Variants in WWOX observed in about 807,000 individuals in gnomAD.
WWOX encodes WW domain-containing oxidoreductase.
A neutral mutation model predicts 46.2 loss-of-function variants in WWOX; 69 were observed. The observed-to-expected ratio is 1.49, with a 90% confidence interval of 1.23 to 1.82. The LOEUF (loss-of-function observed/expected upper bound fraction) is 1.82. WWOX is among the 40% of genes most tolerant of loss of function. The probability of loss-of-function intolerance (pLI) is 0.00; values close to 1 mark genes in which losing one functional copy is unlikely to be tolerated. For synonymous variants in WWOX, 359 were observed against 202.6 expected (o/e 1.77, Z -6.56); for missense variants, 919 against 542.6 (o/e 1.69, Z -6.89).
At chr16:78,923,723 G>C (rs2045431920) in intron 8 of WWOX, among the ~76,000 whole-genome samples, 1 of 146,906 alleles carries the variant, frequency 6.8e-6, no homozygotes, top group African/African-American at 2.5e-5. Context: ...ATCTGCCTTG[G>C]AAATGTCAAA....
At chr16:78,184,531 C>T (rs369125114) in intron 5 of WWOX, among the ~76,000 whole-genome samples, 29 of 151,850 alleles carry the variant, frequency 1.9e-4, no homozygotes, top group African/African-American at 7.0e-4. Flanking sequence ...TAGCCGGCAC[C>T]CACATGGATG....
At chr16:78,375,775 C>T (rs1024435124) in intron 5 of WWOX, among the ~76,000 whole-genome samples, 1 of 150,646 alleles carries the variant, frequency 6.6e-6, no homozygotes, top group Non-Finnish European at 1.5e-5. Flanking sequence ...TTTCAGTGGC[C>T]AACAAAACAA....
intron 8 of WWOX, among the ~76,000 whole-genome samples, chr16:78,979,854 T>C (rs1597232668): frequency 6.6e-6 from 1 of 152,134 alleles, no homozygotes; most frequent in Admixed American, 6.6e-5. Flanking sequence ...CGTGGCTGGG[T>C]GCAGTGGCTC....
intron 8 of WWOX, among the ~76,000 whole-genome samples, chr16:78,656,874 G>A (rs1164133000): frequency 1.3e-5 from 2 of 152,170 alleles, no homozygotes; most frequent in Non-Finnish European, 2.9e-5. Flanking sequence ...ACATTTAGGG[G>A]AGGCTGTAGA....
intron 8 of WWOX, among the ~76,000 whole-genome samples, chr16:79,135,130 A>G (rs2049958272): frequency 6.6e-6 from 1 of 152,082 alleles, no homozygotes; most frequent in Admixed American, 6.6e-5. Flanking sequence ...TCTTCTCAGG[A>G]AATGTTTTCT....
chr16:79,087,412 G>T (rs142711783), intron 8 of WWOX, among the ~76,000 whole-genome samples: 8 of 152,218 alleles, frequency 5.3e-5, no homozygotes, highest in African/African-American at 1.9e-4. Flanking sequence ...CACTGTGTTT[G>T]AGAGTCACAT....
intron 8 of WWOX, among the ~76,000 whole-genome samples, chr16:78,752,075 T>G (rs1381435591): frequency 6.6e-6 from 1 of 152,168 alleles, no homozygotes; most frequent in East Asian, 1.9e-4. Context: ...ATTCTAACAT[T>G]GGTAAAACTT....
rs60393431 is a variant in WWOX, at chr16:78,266,788, TTCTCTCTCTCTC to T, written c.516+102525_516+102536del. Among the ~76,000 whole-genome samples, 737 of 115,628 alleles carry T rather than the reference TTCTCTCTCTCTC, an allele frequency of 6.4e-3. 5 individuals carry two copies. Among genetic ancestry groups the T allele is most frequent in the African/African-American group, 0.023 (710 of 31,178 alleles). The allele number at this position is 115,628 out of a possible 152,430, so 75.9% of individuals were successfully genotyped here. On this transcript the variant is annotated intron_variant, in intron 5 of 8. Transcript: ENST00000566780. ...GATAAATGCAAGTTCTATTCTTCTA[TTCTCTCTCTCTC>T]TCTCTCTCTCTCTCTCTCTCTCTCT...
At chr16:78,376,887 C>A (rs915010818) in intron 5 of WWOX, among the ~76,000 whole-genome samples, 4 of 152,202 alleles carry the variant, frequency 2.6e-5, no homozygotes, top group Non-Finnish European at 5.9e-5. Flanking sequence ...TTCCGATTTC[C>A]CAAGTCCACC....
At chr16:78,532,628 G>T (rs1476472193) in intron 8 of WWOX, among the ~76,000 whole-genome samples, 1 of 152,178 alleles carries the variant, frequency 6.6e-6, no homozygotes, top group Non-Finnish European at 1.5e-5. Flanking sequence ...AGGTTTATTG[G>T]ACTTACAGTT....
At chr16:78,640,556 T>C (rs1175455040) in intron 8 of WWOX, among the ~76,000 whole-genome samples, 1 of 152,138 alleles carries the variant, frequency 6.6e-6, no homozygotes, top group Non-Finnish European at 1.5e-5. Context: ...GATACGTTGA[T>C]CTGTACAGCA....
intron 8 of WWOX, among the ~76,000 whole-genome samples, chr16:79,186,337 C>G (rs576354301): frequency 1.3e-5 from 2 of 152,300 alleles, no homozygotes; most frequent in Non-Finnish European, 2.9e-5. Context: ...CAGGGCCATG[C>G]TCCTTCTCTA....
At chr16:78,157,929 C>T (rs1351422446) in intron 4 of WWOX, among the ~76,000 whole-genome samples, 1 of 152,192 alleles carries the variant, frequency 6.6e-6, no homozygotes, top group African/African-American at 2.4e-5. Context: ...CATTTGTTTT[C>T]CACCTACTAT....
intron 4 of WWOX, among the ~76,000 whole-genome samples, chr16:78,138,486 T>C (rs1159343748): frequency 2.0e-5 from 3 of 152,194 alleles, no homozygotes. Flanking sequence ...CAGTGGGGCC[T>C]GAGTGCAAAT....
intron 5 of WWOX, among the ~76,000 whole-genome samples, chr16:78,239,737 G>C (rs1440344923): frequency 6.6e-6 from 1 of 151,956 alleles, no homozygotes; most frequent in Non-Finnish European, 1.5e-5. Flanking sequence ...GGTTTCACTT[G>C]TTGGCCAGGC....
At chr16:78,157,602 ATCT>A (rs879472858) in intron 4 of WWOX, among the ~76,000 whole-genome samples, 4 of 152,220 alleles carry the variant, frequency 2.6e-5, no homozygotes, top group African/African-American at 9.6e-5. Context: ...ATCAGAGGTC[ATCT>A]TTAGGTAATA....
intron 8 of WWOX, among the ~76,000 whole-genome samples, chr16:79,159,935 A>G (rs117785185): frequency 6.6e-5 from 10 of 151,776 alleles, no homozygotes; most frequent in Non-Finnish European, 1.3e-4. Flanking sequence ...CTGACTCCCA[A>G]CCCTCCCCAG....
intron 8 of WWOX, among the ~76,000 whole-genome samples, chr16:78,567,034 A>G (rs201757347): frequency 2.1e-5 from 3 of 142,476 alleles, no homozygotes; most frequent in African/African-American, 8.1e-5. Flanking sequence ...CTGAAGTCAT[A>G]CATTCATTAT....
chr16:79,190,200 T>C (rs1023011132), intron 8 of WWOX, among the ~76,000 whole-genome samples: 2 of 152,060 alleles, frequency 1.3e-5, no homozygotes, highest in Non-Finnish European at 2.9e-5. Flanking sequence ...AACTTTTGTA[T>C]TTTTAGTAAA....
Sources: allele counts gnomAD v4.1 joint callset (sites outside exome capture counted in the v4.1 genomes callset), GRCh38; gene constraint gnomAD v4.1.1; transcripts MANE v1.5; gene names NCBI Gene and HGNC (gene_info 2026-07-23, HGNC 2026-07-21).